FAM168A: variants seen among roughly 807,000 people sequenced by gnomAD.
The protein encoded by FAM168A is family with sequence similarity 168 member A.
Under a neutral mutation model 28.5 loss-of-function variants are expected in FAM168A, and 3 were observed. That is an observed-to-expected ratio of 0.11 (90% confidence interval 0.05 to 0.27). The LOEUF is 0.27. Ranked by LOEUF, FAM168A falls within the 10% of genes least tolerant of loss-of-function variation. The probability of loss-of-function intolerance (pLI) is 1.00; values close to 1 mark genes in which losing one functional copy is unlikely to be tolerated. For synonymous variants in FAM168A, 122 were observed against 124.2 expected (o/e 0.98, Z 0.12); for missense variants, 222 against 311.5 (o/e 0.71, Z 2.16).
intron 2 of FAM168A, among the ~76,000 whole-genome samples, chr11:73,436,332 G>A (rs572667241): frequency 6.6e-6 from 1 of 152,242 alleles, no homozygotes; most frequent in African/African-American, 2.4e-5. Flanking sequence ...ACCTTTAGGA[G>A]CTTAAAATAG....
At chr11:73,461,986 C>G (rs1867654918) in intron 2 of FAM168A, among the ~76,000 whole-genome samples, 1 of 152,060 alleles carries the variant, frequency 6.6e-6, no homozygotes, top group Non-Finnish European at 1.5e-5. Flanking sequence ...CGAAGCTGTG[C>G]AGAAACTGAA....
intron 6 of FAM168A, 119 bp downstream of exon 6, chr11:73,409,368 A>C (rs1469353105): frequency 3.0e-6 from 4 of 1,338,532 alleles, no homozygotes; most frequent in Non-Finnish European, 4.1e-6. Flanking sequence ...CTGGGTTCCC[A>C]AGCCCCCTGG....
chr11:73,482,483 GATCT>G (rs1174364796), intron 1 of FAM168A, among the ~76,000 whole-genome samples: 4 of 151,994 alleles, frequency 2.6e-5, no homozygotes, highest in Non-Finnish European at 5.9e-5. Context: ...GGGTATTTTA[GATCT>G]ATCTGTCATG....
chr11:73,525,292 G>C (rs1446564616), intron 1 of FAM168A, among the ~76,000 whole-genome samples: 1 of 152,098 alleles, frequency 6.6e-6, no homozygotes, highest in African/African-American at 2.4e-5. Context: ...AAGACAAAAT[G>C]CCATGCCAAT....
At chr11:73,425,888 T>G (rs1244303709) in intron 3 of FAM168A, among the ~76,000 whole-genome samples, 6 of 152,226 alleles carry the variant, frequency 3.9e-5, no homozygotes, top group Non-Finnish European at 2.9e-5. Flanking sequence ...GCAACTTATT[T>G]AACCTGTTTG....
intron 1 of FAM168A, among the ~76,000 whole-genome samples, chr11:73,478,836 A>G (rs1590805418): frequency 6.6e-6 from 1 of 152,154 alleles, no homozygotes; most frequent in East Asian, 1.9e-4. Context: ...TAACAGCAAT[A>G]TAGTACTGTT....
chr11:73,492,631 CCTGT>C (rs1481095290), intron 1 of FAM168A, among the ~76,000 whole-genome samples: 1 of 151,824 alleles, frequency 6.6e-6, no homozygotes, highest in Non-Finnish European at 1.5e-5. Flanking sequence ...CAGAGCAAAA[CCTGT>C]CTCAATAAAA....
chr11:73,593,524 T>C (rs1944406950), intron 1 of FAM168A, among the ~76,000 whole-genome samples: 1 of 152,200 alleles, frequency 6.6e-6, no homozygotes, highest in Non-Finnish European at 1.5e-5. Flanking sequence ...GTTTAGGACT[T>C]TGGCATTTAA....
At chr11:73,441,824 C>G (rs1329933431) in intron 2 of FAM168A, among the ~76,000 whole-genome samples, 6 of 152,120 alleles carry the variant, frequency 3.9e-5, no homozygotes, top group Admixed American at 3.9e-4. Context: ...CCTCATATTC[C>G]TTTTTATTTC....
intron 1 of FAM168A, among the ~76,000 whole-genome samples, chr11:73,496,317 A>T (rs1854870931): frequency 1.3e-5 from 2 of 152,330 alleles, no homozygotes; most frequent in South Asian, 4.1e-4. Flanking sequence ...GTGGAAGGTG[A>T]AAAGGGAAGT....
At chr11:73,481,662 T>C (rs1867969065) in intron 1 of FAM168A, among the ~76,000 whole-genome samples, 7 of 152,206 alleles carry the variant, frequency 4.6e-5, no homozygotes, top group Admixed American at 4.6e-4. Flanking sequence ...AGGCCTGTGA[T>C]ATAGTATAAA....
intron 1 of FAM168A, among the ~76,000 whole-genome samples, chr11:73,524,456 T>C (rs1043639598): frequency 8.6e-5 from 13 of 152,016 alleles, no homozygotes; most frequent in African/African-American, 2.9e-4. Context: ...ATAAAATTAA[T>C]ATTCTTAAAT....
At chr11:73,464,354 A>T (rs866220417) in intron 2 of FAM168A, among the ~76,000 whole-genome samples, 5,017 of 101,088 alleles carry the variant, frequency 0.05, 285 homozygotes, top group African/African-American at 0.21. Context: ...CACTGGTTTA[A>T]AAAAAAAAAA....
chr11:73,529,157 G>GC (rs1164554278), intron 1 of FAM168A, among the ~76,000 whole-genome samples: 1 of 152,110 alleles, frequency 6.6e-6, no homozygotes, highest in African/African-American at 2.4e-5. Context: ...TGCTTGCCCA[G>GC]CCCCCCAAAC....
At chr11:73,567,980 G>T (rs1242264264) in intron 1 of FAM168A, among the ~76,000 whole-genome samples, 2 of 152,144 alleles carry the variant, frequency 1.3e-5, no homozygotes, top group African/African-American at 4.8e-5. Flanking sequence ...GAATGTTTGG[G>T]TCTCTTTCAG....
At chr11:73,459,879 ATTTTT>A (rs918564469) in intron 2 of FAM168A, among the ~76,000 whole-genome samples, 5 of 108,456 alleles carry the variant, frequency 4.6e-5, no homozygotes, top group Admixed American at 1.9e-4. Context: ...ATCCAAATGA[ATTTTT>A]TTTTTTTTTT....
At chr11:73,560,149 G>C (rs1010537321) in intron 1 of FAM168A, among the ~76,000 whole-genome samples, 2 of 151,906 alleles carry the variant, frequency 1.3e-5, no homozygotes, top group East Asian at 3.9e-4. Context: ...CTGCAGCCTC[G>C]ACCCCTCGGA....
At chr11:73,487,548 T>C (rs1868069262) in intron 1 of FAM168A, among the ~76,000 whole-genome samples, 1 of 152,156 alleles carries the variant, frequency 6.6e-6, no homozygotes, top group Non-Finnish European at 1.5e-5. Context: ...TTCTCTCTAA[T>C]ATATTCTTAT....
intron 6 of FAM168A, among the ~76,000 whole-genome samples, chr11:73,407,911 G>A (rs147372185): frequency 1.3e-5 from 2 of 152,102 alleles, no homozygotes; most frequent in South Asian, 2.1e-4. Flanking sequence ...TCGCTCTGTC[G>A]CCCAGGCTGG....
Sources: allele counts gnomAD v4.1 joint callset (sites outside exome capture counted in the v4.1 genomes callset), GRCh38; gene constraint gnomAD v4.1.1; transcripts MANE v1.5; gene names NCBI Gene and HGNC (gene_info 2026-07-23, HGNC 2026-07-21).